FMN2: variants seen among roughly 807,000 people sequenced by gnomAD.
FMN2 encodes formin-2.
A neutral mutation model predicts 142.3 loss-of-function variants in FMN2; 51 were observed. The observed-to-expected ratio is 0.36, with a 90% confidence interval of 0.29 to 0.45. FMN2 has a LOEUF of 0.45. Ranked by LOEUF, FMN2 falls within the 20% of genes least tolerant of loss-of-function variation. FMN2 has a pLI of 1.00. For missense variants in FMN2, 1,936 were observed against 2,122.8 expected, an observed-to-expected ratio of 0.91 and a Z score of 1.73; for synonymous variants, 882 against 869.8, an observed-to-expected ratio of 1.01 and a Z score of -0.25.
chr1:240,272,577 A>G (rs974564461), intron 7 of FMN2, among the ~76,000 whole-genome samples: 2 of 152,152 alleles, frequency 1.3e-5, no homozygotes, highest in Non-Finnish European at 2.9e-5. Flanking sequence ...ATCCAGTTGG[A>G]TGAAGTGAGG....
chr1:240,225,800 T>A lies in FMN2; in HGVS notation c.4065+14565T>A, dbSNP rs189260144. Among the ~76,000 whole-genome samples, 411 of 152,182 alleles carry A rather than the reference T, an allele frequency of 2.7e-3. 3 individuals carry two copies. In the South Asian group the frequency reaches 0.027, roughly 10 times the overall value. On this transcript the variant is annotated intron_variant, in intron 6 of 17. Transcript: ENST00000319653. ...TCTTCAAAGAACTCCAGGCAACTAT[T>A]TGTAAGAAATCAAAGAAGGTATGGG...
rs146195271 is a variant in FMN2, at chr1:240,123,310, A to G, written c.1747A>G (p.Asn583Asp). 3 of 1,614,134 alleles carry G rather than the reference A, an allele frequency of 1.9e-6. No homozygotes were observed. The African/African-American group carries it at 4.0e-5, about 22-fold the overall frequency. Reference protein sequence around the residue: ...PFSDCFREPCNQNAQTNAASF... With the variant: ...PFSDCFREPCDQNAQTNAASF... Reference sequence around the variant, plus strand: ...TAGTGATTGCTTCAGGGAACCGTGTAATCAGAATGCCCAGACGAATGCAGC... The same window carrying G: ...TAGTGATTGCTTCAGGGAACCGTGTGATCAGAATGCCCAGACGAATGCAGC... Residue 583 changes from asparagine to aspartate, a missense_variant, in exon 2 of 18, where the codon AAT (asparagine) becomes GAT (aspartate). Asn to Asp is a conservative substitution (Grantham distance 23). Around this residue, in one of 8 missense-constraint regions of FMN2, gnomAD observed 478 missense variants for 462.8 expected, o/e 1.03. Coordinates refer to ENST00000319653, the MANE Select transcript of FMN2 (RefSeq NM_020066.5).
intron 15 of FMN2, among the ~76,000 whole-genome samples, chr1:240,418,795 A>C (rs929748849): frequency 1.6e-4 from 24 of 152,180 alleles, no homozygotes; most frequent in African/African-American, 5.5e-4. Flanking sequence ...TCTCTCTGTC[A>C]GTTACCAAGA....
At chr1:240,212,594 T>C (rs1259718842) in intron 6 of FMN2, among the ~76,000 whole-genome samples, 1 of 152,148 alleles carries the variant, frequency 6.6e-6, no homozygotes, top group Non-Finnish European at 1.5e-5. Flanking sequence ...AACCAGAAGG[T>C]TACTCATTTC....
intron 7 of FMN2, among the ~76,000 whole-genome samples, chr1:240,292,837 C>T (rs992720224): frequency 6.6e-6 from 1 of 152,094 alleles, no homozygotes; most frequent in African/African-American, 2.4e-5. Flanking sequence ...ATTCATCTGT[C>T]AGTATTTAAT....
At chr1:240,372,901 A>C (rs1265853638) in intron 14 of FMN2, among the ~76,000 whole-genome samples, 4 of 152,218 alleles carry the variant, frequency 2.6e-5, no homozygotes, top group Non-Finnish European at 4.4e-5. Context: ...AAATGCTAAC[A>C]ATCGGCTGGG....
At chr1:240,184,329 C>T (rs1665290309) in intron 3 of FMN2, among the ~76,000 whole-genome samples, 1 of 149,028 alleles carries the variant, frequency 6.7e-6, no homozygotes, top group Admixed American at 6.7e-5. Context: ...CTCCGCCTCC[C>T]GGGTTCAAGC....
At chr1:240,260,326 A>G (rs1054025849) in intron 7 of FMN2, among the ~76,000 whole-genome samples, 17 of 152,312 alleles carry the variant, frequency 1.1e-4, no homozygotes, top group Non-Finnish European at 2.2e-4. Flanking sequence ...AGGAATCTCC[A>G]CACTGTTTTC....
intron 2 of FMN2, among the ~76,000 whole-genome samples, chr1:240,166,913 G>A (rs781200064): frequency 1.1e-4 from 17 of 152,184 alleles, no homozygotes; most frequent in Non-Finnish European, 1.8e-4. Flanking sequence ...CCTGAGGTCA[G>A]GAGTTCAAGA....
At chr1:240,286,121 G>A (rs920448287) in intron 7 of FMN2, among the ~76,000 whole-genome samples, 12 of 152,008 alleles carry the variant, frequency 7.9e-5, no homozygotes, top group Non-Finnish European at 1.6e-4. Context: ...TTCCTGGGAT[G>A]GAGAGATTTC....
At chr1:240,276,909 A>C (rs1669235077) in intron 7 of FMN2, among the ~76,000 whole-genome samples, 1 of 152,122 alleles carries the variant, frequency 6.6e-6, no homozygotes, top group Non-Finnish European at 1.5e-5. Context: ...GTGTTGCCTC[A>C]TTTTCTCATC....
intron 14 of FMN2, among the ~76,000 whole-genome samples, chr1:240,379,891 A>G (rs1464735757): frequency 6.6e-6 from 1 of 152,184 alleles, no homozygotes; most frequent in African/African-American, 2.4e-5. Flanking sequence ...ATATTTTTCC[A>G]CTGGTTTAAA....
intron 8 of FMN2, among the ~76,000 whole-genome samples, chr1:240,322,728 G>A (rs1426469576): frequency 6.6e-6 from 1 of 152,150 alleles, no homozygotes; most frequent in Admixed American, 6.5e-5. Flanking sequence ...GGGCACTGTG[G>A]GGGATGGAAA....
chr1:240,165,468 C>G (rs1664441903), intron 2 of FMN2, among the ~76,000 whole-genome samples: 2 of 135,590 alleles, frequency 1.5e-5, no homozygotes, highest in South Asian at 4.8e-4. Flanking sequence ...TGAGCCACCA[C>G]TCTTTGCTGA....
At chr1:240,419,062 C>T (rs554181325) in intron 15 of FMN2, among the ~76,000 whole-genome samples, 8 of 152,214 alleles carry the variant, frequency 5.3e-5, no homozygotes, top group Non-Finnish European at 8.8e-5. Context: ...GAGCCGAGAT[C>T]GTGCCACTGC....
In FMN2 at chr1:240,355,951, C is replaced by CAAAAAAAAAAAAAAAAA. The variant is rs58002724; in HGVS notation, c.4858+62_4858+78dup. 1.5e-4 allele frequency: 38 copies of CAAAAAAAAAAAAAAAAA among 252,934 alleles called. 1 individual carries two copies. Among genetic ancestry groups the CAAAAAAAAAAAAAAAAA allele is most frequent in the African/African-American group, 3.9e-4 (10 of 25,944 alleles). The allele number at this position is 252,934 out of a possible 1,614,324, so 15.7% of individuals were successfully genotyped here. Reference sequence around the variant, plus strand: ...GTGTTATGTTTTTCTCCCCTTTCAGCAAAAAAAAAAAAAAAAAAAAAAAAA... The same window carrying CAAAAAAAAAAAAAAAAA: ...GTGTTATGTTTTTCTCCCCTTTCAGCAAAAAAAAAAAAAAAAAAAAAAAAAAAAAAAAAAAAAAAAAA... On this transcript the variant is annotated intron_variant, in intron 14 of 17. Transcript: ENST00000319653.
chr1:240,202,027 T>G (rs1040061320), intron 4 of FMN2, among the ~76,000 whole-genome samples: 1 of 152,214 alleles, frequency 6.6e-6, no homozygotes, highest in Non-Finnish European at 1.5e-5. Context: ...TTTCAGACCT[T>G]AACTGCTAAC....
At chr1:240,363,044 A>G (rs1327055465) in intron 14 of FMN2, among the ~76,000 whole-genome samples, 1 of 152,248 alleles carries the variant, frequency 6.6e-6, no homozygotes, top group Non-Finnish European at 1.5e-5. Context: ...TCTTAAATAT[A>G]CAGTCTGTAG....
In FMN2 at chr1:240,207,461, C is replaced by A; in HGVS notation, c.2649C>A (p.Leu883=). The A allele has an allele frequency of 6.2e-7, 1 of 1,612,960 alleles. No homozygotes were observed. The highest frequency in any genetic ancestry group is 8.5e-7 in the Non-Finnish European group (1 of 1,179,560). ...LGMVPPPPPP[L]PGMTVPTLPS... ...TGGTGCCTCCCCCACCTCCCCCTCT[C>A]CCTGGCATGACAGTGCCTACTCTGC... Residue 883 remains leucine (L), a synonymous_variant, in exon 5 of 18, where the codon CTC becomes CTA. Coordinates refer to ENST00000319653, the MANE Select transcript of FMN2 (RefSeq NM_020066.5).
Sources: allele counts gnomAD v4.1 joint callset (sites outside exome capture counted in the v4.1 genomes callset), GRCh38; gene constraint gnomAD v4.1.1; regional missense constraint gnomAD v4.1.1; transcripts MANE v1.5; gene names NCBI Gene and HGNC (gene_info 2026-07-23, HGNC 2026-07-21).